Variants in CACNA1C observed in about 807,000 individuals in gnomAD.
The protein encoded by CACNA1C is voltage-dependent L-type calcium channel subunit alpha-1C.
A neutral mutation model predicts 229.0 loss-of-function variants in CACNA1C; 30 were observed. The observed-to-expected ratio is 0.13, with a 90% confidence interval of 0.10 to 0.18. CACNA1C has a LOEUF of 0.18. CACNA1C is among the 10% of genes least tolerant of loss of function. The probability of loss-of-function intolerance (pLI) is 1.00; values close to 1 mark genes in which losing one functional copy is unlikely to be tolerated. For missense variants in CACNA1C, 1,658 were observed against 2,845.0 expected (o/e 0.58, Z 9.49); for synonymous variants, 1,114 against 1,132.5 (o/e 0.98, Z 0.33).
At chr12:2,558,668 G>C (rs2045849915) in intron 11 of CACNA1C, among the ~76,000 whole-genome samples, 1 of 152,188 alleles carries the variant, frequency 6.6e-6, no homozygotes, top group South Asian at 2.1e-4. Context: ...GTGTTGCTGG[G>C]CTTCCCCGTG....
chr12:2,149,562 C>G (rs117840950), intron 3 of CACNA1C, among the ~76,000 whole-genome samples: 1 of 152,208 alleles, frequency 6.6e-6, no homozygotes, highest in African/African-American at 2.4e-5. Context: ...ACTGACTTTT[C>G]TGGTTTTCAA....
intron 5 of CACNA1C, among the ~76,000 whole-genome samples, chr12:2,470,438 C>G (rs1032543913): frequency 6.6e-6 from 1 of 152,162 alleles, no homozygotes; most frequent in Non-Finnish European, 1.5e-5. Flanking sequence ...AAATGAAGAT[C>G]CAGTGAGGCC....
chr12:2,079,663 C>G (rs973116722), intron 1 of CACNA1C, among the ~76,000 whole-genome samples: 1 of 152,164 alleles, frequency 6.6e-6, no homozygotes, highest in Non-Finnish European at 1.5e-5. Context: ...AACATTTAGT[C>G]CATAACAATG....
At position 2,606,855 on chromosome 12, in the gene CACNA1C, C is replaced by T. The variant is rs1320691333; in HGVS notation, c.3210-129C>T. The T allele has an allele frequency of 1.1e-5, 13 of 1,148,366 alleles. No individual in the cohort carries two copies. In the Admixed American group the frequency reaches 2.6e-4, roughly 23 times the overall value. 71.1% of individuals were successfully genotyped at this position (1,148,366 alleles called of 1,614,324 possible). On this transcript the variant is annotated intron_variant, in intron 25 of 46. Transcript: ENST00000399655. ...CTGAAGTTTCTGCCCACTGAAGCTC[C>T]TCCCATGGCTAGAACGGTGAAGTTC...
chr12:2,208,090 G>C (rs180986754), intron 3 of CACNA1C, among the ~76,000 whole-genome samples: 1 of 152,118 alleles, frequency 6.6e-6, no homozygotes, highest in African/African-American at 2.4e-5. Flanking sequence ...AACCACATAC[G>C]CCATGGCTCT....
chr12:2,523,083 T>G (rs1412405990), intron 9 of CACNA1C, among the ~76,000 whole-genome samples: 1 of 129,796 alleles, frequency 7.7e-6, no homozygotes, highest in Non-Finnish European at 1.6e-5. Flanking sequence ...ATTTATCGCT[T>G]CAGCCTAATA....
chr12:2,003,992 T>G (rs2042783154), intron 1 of CACNA1C, among the ~76,000 whole-genome samples: 1 of 152,062 alleles, frequency 6.6e-6, no homozygotes, highest in Non-Finnish European at 1.5e-5. Context: ...ATCAGGTCCT[T>G]CCTTTCCTTC....
rs1279527642 is a variant in CACNA1C, at chr12:2,184,009, C to G, written c.477+63579C>G. Among the ~76,000 whole-genome samples, 3 of 152,336 alleles carry G rather than the reference C, an allele frequency of 2.0e-5. No individual in the cohort carries two copies. In the East Asian group the frequency reaches 5.8e-4, roughly 29 times the overall value. On this transcript the variant is annotated intron_variant, in intron 3 of 46. Transcript: ENST00000399655. ...AGGAGAGGGCCAGCCTCTGCCTGGT[C>G]TGAAAGCTTTTGCAATTGTTCCTAA...
At chr12:2,461,382 G>T (rs181715577) in intron 5 of CACNA1C, among the ~76,000 whole-genome samples, 1 of 152,104 alleles carries the variant, frequency 6.6e-6, no homozygotes, top group Non-Finnish European at 1.5e-5. Context: ...GCTGACTTCT[G>T]TCTCATCTTC....
intron 13 of CACNA1C, among the ~76,000 whole-genome samples, chr12:2,570,964 T>A (rs1471482676): frequency 6.6e-6 from 1 of 152,216 alleles, no homozygotes; most frequent in Non-Finnish European, 1.5e-5. Context: ...AGAAAGTCCT[T>A]GGTTTACAGT....
At chr12:2,380,318 C>T (rs1254373248) in intron 3 of CACNA1C, among the ~76,000 whole-genome samples, 1 of 152,192 alleles carries the variant, frequency 6.6e-6, no homozygotes, top group African/African-American at 2.4e-5. Flanking sequence ...GCTTTGCAAG[C>T]TTTAACACGT....
intron 3 of CACNA1C, among the ~76,000 whole-genome samples, chr12:2,347,197 T>C (rs544565437): frequency 1.6e-4 from 24 of 152,294 alleles, no homozygotes; most frequent in African/African-American, 5.8e-4. Context: ...AATGGATGAA[T>C]GAATGAACAA....
chr12:2,427,443 T>C (rs1004313670), intron 3 of CACNA1C, among the ~76,000 whole-genome samples: 5 of 152,088 alleles, frequency 3.3e-5, no homozygotes, highest in African/African-American at 1.2e-4. Context: ...TACTGATCAA[T>C]AAAATCTTGA....
rs1196172260 is a variant in CACNA1C, at chr12:2,504,662, G to A, written c.1114-180G>A. The A allele has an allele frequency of 3.9e-6, 3 of 771,804 alleles. No individual in the cohort carries two copies. Among genetic ancestry groups the A allele is most frequent in the Admixed American group, 4.1e-5 (2 of 48,298 alleles). 47.8% of individuals were successfully genotyped at this position (771,804 alleles called of 1,614,324 possible). A position where few individuals can be genotyped will look rare whatever the true frequency, so the allele number is the denominator to read the frequency against. ...ACAGGCCCAGGAAAACCACAACAAA[G>A]CCTCTGTTCAACCACAGATTCTGAC... On this transcript the variant is annotated intron_variant, in intron 7 of 46. Coordinates refer to ENST00000399655, the MANE Select transcript of CACNA1C (RefSeq NM_000719.7). The surrounding 1 kb of genome is among the most constrained non-coding windows in gnomAD (Gnocchi z 6.8).
chr12:2,204,658 T>C (rs1432853846), intron 3 of CACNA1C, among the ~76,000 whole-genome samples: 3 of 150,112 alleles, frequency 2.0e-5, no homozygotes, highest in Admixed American at 1.3e-4. Context: ...ATGGATGAAA[T>C]TGGAAATCAT....
At chr12:2,622,155 T>C (rs1289317280) in intron 29 of CACNA1C, among the ~76,000 whole-genome samples, 1 of 152,148 alleles carries the variant, frequency 6.6e-6, no homozygotes, top group African/African-American at 2.4e-5. Flanking sequence ...TTAAGCCAGC[T>C]GCGGAGAAGA....
At position 2,371,724 on chromosome 12, in the gene CACNA1C, C is replaced by CTTTTTTTTTTTTT; in HGVS notation, c.478-77242_478-77230dup. The stretch of plus-strand genomic sequence containing the variant: ...CAAGCACATACTAAATGACATATGG[C>CTTTTTTTTTTTTT]TTTTTTTTTTTTTTTTTTTTTTAAT... On this transcript the variant is annotated intron_variant, in intron 3 of 46. Coordinates refer to ENST00000399655, the MANE Select transcript of CACNA1C (RefSeq NM_000719.7). 1.6e-5 allele frequency among the ~76,000 whole-genome samples: 2 copies of CTTTTTTTTTTTTT among 129,016 alleles called. 1 individual carries two copies. Among genetic ancestry groups the CTTTTTTTTTTTTT allele is most frequent in the Non-Finnish European group, 3.2e-5 (2 of 62,042 alleles). 84.6% of individuals were successfully genotyped at this position (129,016 alleles called of 152,430 possible).
chr12:2,589,816 G>A (rs77189734), intron 18 of CACNA1C, among the ~76,000 whole-genome samples: 1,960 of 152,370 alleles, frequency 0.013, 16 homozygotes, highest in Non-Finnish European at 0.023. Context: ...TGCCGGAGAT[G>A]CAGAGAAGTG....
chr12:2,360,731 G>A (rs982171610), intron 3 of CACNA1C, among the ~76,000 whole-genome samples: 1 of 152,210 alleles, frequency 6.6e-6, no homozygotes, highest in Non-Finnish European at 1.5e-5. Flanking sequence ...GGTCCATCCA[G>A]CTCTACCTTT....
Sources: gnomAD v4.1 joint callset for allele counts (sites outside exome capture counted in the v4.1 genomes callset) on GRCh38, gnomAD v4.1.1 for gene constraint, Gnocchi (gnomAD v3.1) non-coding constraint, MANE v1.5 for transcripts, NCBI Gene and HGNC (gene_info 2026-07-23, HGNC 2026-07-21) for gene names.